Variants in GMDS observed in about 807,000 individuals in gnomAD.
The protein encoded by GMDS is GDP-mannose 4,6 dehydratase.
In GMDS, 20 loss-of-function variants were observed where a neutral mutation model predicts 49.9. The ratio of observed to expected loss-of-function variants is 0.40; its 90% CI spans 0.28 to 0.58. GMDS has a LOEUF of 0.58. Ranked by LOEUF, GMDS falls within the 20% of genes least tolerant of loss-of-function variation. The pLI is 0.42. For synonymous variants in GMDS, 177 were observed against 178.6 expected (o/e 0.99, Z 0.07); for missense variants, 362 against 481.4 (o/e 0.75, Z 2.32).
At chr6:2,117,291 C>A (rs915250634) in intron 3 of GMDS, among the ~76,000 whole-genome samples, 178 bp downstream of exon 3, 15 of 152,066 alleles carry the variant, frequency 9.9e-5, no homozygotes, top group Non-Finnish European at 1.9e-4. Context: ...CGGCCTAGGG[C>A]AGTGAGCAGG....
chr6:1,905,602 T>C (rs1760724167), intron 7 of GMDS, among the ~76,000 whole-genome samples: 1 of 131,390 alleles, frequency 7.6e-6, no homozygotes, highest in Admixed American at 7.5e-5. Flanking sequence ...TGTTGGTGTG[T>C]AGGTGGGACC....
At position 1,888,515 on chromosome 6, in the gene GMDS, T is replaced by C. The variant is rs978681329; in HGVS notation, c.771+41588A>G. On this transcript the variant is annotated intron_variant, in intron 7 of 10. Transcript: ENST00000380815. ...CAGTTACCTCCACCTGGTCTCTCTC[T>C]TACACGAGGGGATTATGGGGATTAT... Among the ~76,000 whole-genome samples the C allele has an allele frequency of 2.0e-5, 3 of 152,204 alleles. No homozygotes were observed. The East Asian group carries it at 5.8e-4, about 29-fold the overall frequency.
At chr6:2,006,435 G>A (rs1767178390) in intron 4 of GMDS, among the ~76,000 whole-genome samples, 3 of 151,988 alleles carry the variant, frequency 2.0e-5, no homozygotes. Flanking sequence ...CTCCAGAAAA[G>A]GAAAAAGAAA....
intron 9 of GMDS, among the ~76,000 whole-genome samples, chr6:1,641,527 C>A (rs1373971518): frequency 6.6e-6 from 1 of 152,228 alleles, no homozygotes; most frequent in East Asian, 1.9e-4. Context: ...CCTGAAGGGC[C>A]ACTGCGATCT....
chr6:2,043,957 TG>T (rs1297019205), intron 4 of GMDS, among the ~76,000 whole-genome samples: 1 of 151,964 alleles, frequency 6.6e-6, no homozygotes, highest in Admixed American at 6.5e-5. Context: ...AACAAGCATA[TG>T]AGAAAAAAGC....
At chr6:1,750,862 C>G (rs1424417660) in intron 7 of GMDS, among the ~76,000 whole-genome samples, 1 of 152,150 alleles carries the variant, frequency 6.6e-6, no homozygotes, top group East Asian at 1.9e-4. Flanking sequence ...ATGAAGTTGA[C>G]CTGGGATGCC....
In GMDS at chr6:1,624,695, G is replaced by A. The variant is rs548389405; in HGVS notation, c.988-155C>T. 1.6e-4 allele frequency: 98 copies of A among 619,766 alleles called. 3 individuals carry two copies. In the East Asian group the frequency reaches 2.4e-3, roughly 15 times the overall value. The allele number at this position is 619,766 out of a possible 1,614,324, so 38.4% of individuals were successfully genotyped here. A position where few individuals can be genotyped will look rare whatever the true frequency, so the allele number is the denominator to read the frequency against. On this transcript the variant is annotated intron_variant, in intron 9 of 10. Transcript: ENST00000380815. ...GTCCCTGCTGTGCGCGTTCAGTTGCGGCTCTCGGCGCCGTAAATCACTAGG... is the reference window on the plus strand; with the variant it reads ...GTCCCTGCTGTGCGCGTTCAGTTGCAGCTCTCGGCGCCGTAAATCACTAGG...
At chr6:1,684,621 A>G (rs1252964728) in intron 9 of GMDS, among the ~76,000 whole-genome samples, 1 of 152,170 alleles carries the variant, frequency 6.6e-6, no homozygotes, top group East Asian at 1.9e-4. Flanking sequence ...CATTTACACA[A>G]CATTCTAAAC....
chr6:2,097,593 T>C (rs1403050811), intron 4 of GMDS, among the ~76,000 whole-genome samples: 1 of 152,216 alleles, frequency 6.6e-6, no homozygotes, highest in Non-Finnish European at 1.5e-5. Context: ...CCTGAAATCT[T>C]TGCCATCATT....
At chr6:1,758,703 G>C (rs1768048703) in intron 7 of GMDS, among the ~76,000 whole-genome samples, 1 of 152,168 alleles carries the variant, frequency 6.6e-6, no homozygotes, top group Non-Finnish European at 1.5e-5. Context: ...GAAGCGCGCT[G>C]AGAAACTCTG....
At chr6:2,047,692 T>G (rs1770108369) in intron 4 of GMDS, among the ~76,000 whole-genome samples, 1 of 152,102 alleles carries the variant, frequency 6.6e-6, no homozygotes. Flanking sequence ...TCTCGCCATG[T>G]TAGCCAGGCT....
At chr6:2,008,088 T>A (rs1767311240) in intron 4 of GMDS, among the ~76,000 whole-genome samples, 1 of 152,202 alleles carries the variant, frequency 6.6e-6, no homozygotes, top group African/African-American at 2.4e-5. Flanking sequence ...ATTTCCAAAA[T>A]ACTTCTAAAA....
chr6:1,999,987 A>ATATATATAT lies in GMDS; in HGVS notation c.346-39030_346-39022dup. ...TATATATATTATATATATATTTTAT[A>ATATATATAT]TATATATATTATATATATATATTTT... On this transcript the variant is annotated intron_variant, in intron 4 of 10. Coordinates refer to ENST00000380815, the MANE Select transcript of GMDS (RefSeq NM_001500.4). 2.3e-3 allele frequency among the ~76,000 whole-genome samples: 38 copies of ATATATATAT among 16,270 alleles called. 4 individuals carry two copies. Among genetic ancestry groups the ATATATATAT allele is most frequent in the African/African-American group, 7.2e-3 (37 of 5,114 alleles). The allele number at this position is 16,270 out of a possible 152,430, so 10.7% of individuals were successfully genotyped here.
chr6:2,002,225 C>G (rs978941781), intron 4 of GMDS, among the ~76,000 whole-genome samples: 1 of 152,176 alleles, frequency 6.6e-6, no homozygotes, highest in Non-Finnish European at 1.5e-5. Flanking sequence ...AACATTGTTG[C>G]GTGCCTACCG....
chr6:2,155,008 G>A (rs1178422268), intron 1 of GMDS, among the ~76,000 whole-genome samples: 4 of 151,476 alleles, frequency 2.6e-5, no homozygotes, highest in Admixed American at 6.6e-5. Context: ...AACCTTTAAA[G>A]AGGCTGATAA....
At chr6:1,941,547 A>G (rs1762824427) in intron 6 of GMDS, among the ~76,000 whole-genome samples, 1 of 152,200 alleles carries the variant, frequency 6.6e-6, no homozygotes, top group African/African-American at 2.4e-5. Flanking sequence ...CAAAAGTCCA[A>G]GGAAGGAGAG....
intron 6 of GMDS, among the ~76,000 whole-genome samples, chr6:1,938,563 T>C (rs1762657627): frequency 6.6e-6 from 1 of 152,196 alleles, no homozygotes; most frequent in Non-Finnish European, 1.5e-5. Flanking sequence ...TTGTAGGTAA[T>C]GTAATGTCTT....
chr6:2,140,114 A>G (rs1181852455), intron 1 of GMDS, among the ~76,000 whole-genome samples: 2 of 152,202 alleles, frequency 1.3e-5, no homozygotes, highest in Non-Finnish European at 2.9e-5. Context: ...CTCATATTAG[A>G]AAATCATCTT....
intron 9 of GMDS, among the ~76,000 whole-genome samples, chr6:1,662,030 ACT>A (rs1351676985): frequency 1.3e-5 from 2 of 151,634 alleles, no homozygotes; most frequent in Admixed American, 1.3e-4. Context: ...ACAAATGGCG[ACT>A]CGCCTTGGCT....
Sources: allele counts gnomAD v4.1 joint callset (sites outside exome capture counted in the v4.1 genomes callset), GRCh38; gene constraint gnomAD v4.1.1; transcripts MANE v1.5; gene names NCBI Gene and HGNC (gene_info 2026-07-23, HGNC 2026-07-21).